TUB: variants seen among roughly 807,000 people sequenced by gnomAD.
TUB encodes the protein TUB bipartite transcription factor, also known as tubby protein homolog.
Under a neutral mutation model 59.7 loss-of-function variants are expected in TUB, and 33 were observed. That is an observed-to-expected ratio of 0.55 (90% CI 0.42 to 0.74). The LOEUF (loss-of-function observed/expected upper bound fraction) is 0.74. Ranked by LOEUF, TUB falls within the 30% of genes least tolerant of loss-of-function variation. TUB has a pLI of 0.00. For synonymous variants in TUB, 293 were observed against 256.4 expected (o/e 1.14, Z -1.36); for missense variants, 659 against 672.0 (o/e 0.98, Z 0.21).
intron 7 of TUB, 22 bp downstream of exon 7, chr11:8,097,447 T>C: frequency 1.2e-6 from 2 of 1,614,170 alleles, no homozygotes; most frequent in Non-Finnish European, 1.7e-6. Flanking sequence ...CTGGGCATGT[T>C]ATCATCTAGG....
At chr11:8,021,832 C>T (rs954495196) in intron 1 of TUB, among the ~76,000 whole-genome samples, 1 of 150,098 alleles carries the variant, frequency 6.7e-6, no homozygotes, top group Non-Finnish European at 1.5e-5. Context: ...AGGAGAATGG[C>T]GTGAACCCGG....
In TUB at chr11:8,095,091, G is replaced by A. The variant is rs149412355; in HGVS notation, c.398-407G>A. On this transcript the variant is annotated intron_variant, in intron 4 of 11. Coordinates refer to ENST00000299506, the MANE Select transcript of TUB (RefSeq NM_177972.3). ...TACTGCACGTGTGTATGTTGTGTCT[G>A]TTTGTGGAAGAAAACACCAGCATTG... Among the ~76,000 whole-genome samples the A allele has an allele frequency of 7.4e-4, 112 of 152,348 alleles. 1 individual carries two copies. Among genetic ancestry groups the A allele is most frequent in the African/African-American group, 2.6e-3 (107 of 41,578 alleles).
intron 2 of TUB, among the ~76,000 whole-genome samples, chr11:8,070,502 TG>T (rs1357315549): frequency 1.3e-5 from 2 of 152,238 alleles, no homozygotes; most frequent in Admixed American, 1.3e-4. Context: ...TTTCTGATTC[TG>T]GGGGTTTTCT....
rs1943417993 is a variant in TUB at position 8,074,715 on chromosome 11, G to GGGTGATAGA, written c.204-14893_204-14885dup. ...AATAGCGCCACTTATACTCCAGCCT[G>GGGTGATAGA]GGTGATAGAGTGAGACCTCGTGTCT... On this transcript the variant is annotated intron_variant, in intron 2 of 12. Coordinates refer to the TUB transcript ENST00000305253. Among the ~76,000 whole-genome samples the GGGTGATAGA allele has an allele frequency of 4.7e-5, 7 of 147,676 alleles. No individual in the cohort carries two copies. In the South Asian group the frequency reaches 1.6e-3, roughly 33 times the overall value.
chr11:8,055,006 C>T (rs1025337022), intron 2 of TUB, among the ~76,000 whole-genome samples: 1 of 152,194 alleles, frequency 6.6e-6, no homozygotes, highest in Admixed American at 6.5e-5. Flanking sequence ...TAACCCAAGT[C>T]TGGAGCCCAG....
intron 2 of TUB, among the ~76,000 whole-genome samples, chr11:8,043,044 T>C (rs1413294818): frequency 6.6e-6 from 1 of 152,240 alleles, no homozygotes; most frequent in Non-Finnish European, 1.5e-5. Context: ...TATGTTTTCT[T>C]CTAAGAGCTT....
rs1360784948 is a variant in TUB at position 8,103,425 on chromosome 11, A to T, written c.*1806A>T. ...ATAGAAGTTGTATTTTAAACGTGTT[A>T]GGCTTTATAGGTGAAGGACTTGTTT... is the stretch of plus-strand genomic sequence containing the variant. On this transcript the variant is annotated 3_prime_UTR_variant, in exon 12 of 12. Transcript: ENST00000299506. 2.0e-5 allele frequency: 3 copies of T among 152,318 alleles called. No individual in the cohort carries two copies. In the East Asian group the frequency reaches 5.8e-4, roughly 29 times the overall value. The allele number at this position is 152,318 out of a possible 1,614,324, so 9.4% of individuals were successfully genotyped here.
At chr11:8,073,253 C>G in intron 2 of TUB, among the ~76,000 whole-genome samples, 1 of 152,162 alleles carries the variant, frequency 6.6e-6, no homozygotes, top group South Asian at 2.1e-4. Context: ...TATTTAGAAT[C>G]AGCAGCAGCA....
intron 3 of TUB, among the ~76,000 whole-genome samples, chr11:8,093,071 G>A (rs1052882866): frequency 6.6e-6 from 1 of 152,202 alleles, no homozygotes; most frequent in Non-Finnish European, 1.5e-5. Context: ...GGACCTTACA[G>A]TCTAGGTGGA....
intron 2 of TUB, among the ~76,000 whole-genome samples, chr11:8,040,617 T>G (rs1218336490): frequency 6.6e-6 from 1 of 152,144 alleles, no homozygotes; most frequent in Non-Finnish European, 1.5e-5. Flanking sequence ...CAGGTTGACT[T>G]TTTAGCCTAA....
intron 2 of TUB, chr11:8,068,149 A>AG (rs1943282399): frequency 6.6e-6 from 1 of 152,254 alleles, no homozygotes; most frequent in South Asian, 2.1e-4. Flanking sequence ...AAACAGCCTT[A>AG]GGTTACACAG....
At chr11:8,067,575 C>G (rs539598629) in intron 2 of TUB, 1 of 152,252 alleles carries the variant, frequency 6.6e-6, no homozygotes, top group Admixed American at 6.5e-5. Context: ...TGTATTCACC[C>G]GACAAATATT....
intron 2 of TUB, among the ~76,000 whole-genome samples, chr11:8,066,222 T>G (rs1201636748): frequency 6.6e-6 from 1 of 152,128 alleles, no homozygotes; most frequent in Non-Finnish European, 1.5e-5. Context: ...AACCAACAGG[T>G]CTGCTCAGAC....
intron 1 of TUB, among the ~76,000 whole-genome samples, chr11:8,022,838 G>A (rs575145344): frequency 1.4e-4 from 22 of 152,274 alleles, no homozygotes; most frequent in African/African-American, 4.8e-4. Flanking sequence ...TGCAGTCAGT[G>A]CAGTGGAGAT....
At chr11:8,081,105 G>A (rs1275597415), upstream of TUB, among the ~76,000 whole-genome samples, 5 of 151,470 alleles carry the variant, frequency 3.3e-5, no homozygotes, top group Non-Finnish European at 5.9e-5. Flanking sequence ...TCGGGGGAGG[G>A]GGCAAGGGCG....
At chr11:8,090,862 C>G (rs900409644) in intron 3 of TUB, among the ~76,000 whole-genome samples, 1 of 151,978 alleles carries the variant, frequency 6.6e-6, no homozygotes, top group Admixed American at 6.5e-5. Flanking sequence ...TTCTCAGGAC[C>G]CTCCTTCCTG....
chr11:8,052,978 G>T (rs116012349), intron 2 of TUB, among the ~76,000 whole-genome samples: 1 of 152,128 alleles, frequency 6.6e-6, no homozygotes, highest in Non-Finnish European at 1.5e-5. Flanking sequence ...TAATAATTAT[G>T]TGAAAAAATA....
At chr11:8,038,599 A>G (rs1480165372), upstream of TUB, 3 of 1,153,484 alleles carry the variant, frequency 2.6e-6, no homozygotes, top group Non-Finnish European at 3.2e-6. Flanking sequence ...GAAACCAGCA[A>G]TTGGGTGTCC....
chr11:8,086,913 C>A (rs147648800), intron 1 of TUB, among the ~76,000 whole-genome samples: 1 of 152,202 alleles, frequency 6.6e-6, no homozygotes, highest in Non-Finnish European at 1.5e-5. Context: ...GTGGTTAAGT[C>A]CTTTCTCCCT....
Sources: allele counts gnomAD v4.1 joint callset (sites outside exome capture counted in the v4.1 genomes callset), GRCh38; gene constraint gnomAD v4.1.1; transcripts MANE v1.5; gene names NCBI Gene and HGNC (gene_info 2026-07-23, HGNC 2026-07-21).